Variants in SIPA1L1 observed in about 807,000 individuals in gnomAD.
SIPA1L1 encodes the protein signal-induced proliferation-associated 1-like protein 1.
SIPA1L1 carries 26 observed loss-of-function variants against 162.7 expected under a neutral mutation model. The observed-to-expected ratio is 0.16, with a 90% CI of 0.12 to 0.22. SIPA1L1 has a LOEUF of 0.22. Ranked by LOEUF, SIPA1L1 falls within the 10% of genes least tolerant of loss-of-function variation. The probability of loss-of-function intolerance (pLI) is 1.00; values close to 1 mark genes in which losing one functional copy is unlikely to be tolerated. For missense variants in SIPA1L1, 1,874 were observed against 2,241.0 expected, an observed-to-expected ratio of 0.84 and a Z score of 3.31; for synonymous variants, 829 against 837.4, an observed-to-expected ratio of 0.99 and a Z score of 0.17.
Position 71,707,045 on chromosome 14 carries a change from A to G in SIPA1L1, c.3765+1705A>G, listed in dbSNP as rs2082496171. 2.6e-5 allele frequency among the ~76,000 whole-genome samples: 4 copies of G among 151,218 alleles called. 1 individual carries two copies. In the East Asian group the frequency reaches 5.8e-4, roughly 22 times the overall value. Reference sequence around the variant, plus strand: ...TCAAGACTCCGTCAAAAAAAAAAAAAAAAAAGAAACTGGCATGTCCTACTC... The same window carrying G: ...TCAAGACTCCGTCAAAAAAAAAAAAGAAAAAGAAACTGGCATGTCCTACTC... On this transcript the variant is annotated intron_variant, in intron 16 of 23. Coordinates refer to ENST00000381232, the MANE Select transcript of SIPA1L1 (RefSeq NM_001386936.1).
At chr14:71,565,075 A>G (rs2030125420) in intron 4 of SIPA1L1, among the ~76,000 whole-genome samples, 1 of 152,092 alleles carries the variant, frequency 6.6e-6, no homozygotes. Flanking sequence ...TCTGAAGAAC[A>G]TTGGCTCTTT....
rs767739506 is a variant in SIPA1L1, at chr14:71,671,155, T to C, written c.2292T>C (p.Phe764=). 6.2e-7 allele frequency: 1 copy of C among 1,612,874 alleles called. No homozygotes were observed. The part of the protein sequence containing the change: ...AVTRSRDVPS[F]GPPIPKGVTF... ...CCAGGTCCAGAGATGTGCCTTCCTT[T>C]GGGCCTCCCATTCCTAAAGGGGTCA... Residue 764 remains phenylalanine (F), a synonymous_variant, in exon 11 of 24, where the codon TTT becomes TTC. Transcript: ENST00000381232.
intron 2 of SIPA1L1, among the ~76,000 whole-genome samples, chr14:71,396,461 G>A (rs1206681889): frequency 6.6e-6 from 1 of 152,004 alleles, no homozygotes; most frequent in East Asian, 1.9e-4. Context: ...ATTGTCCCCT[G>A]TTTGTTCATT....
At chr14:71,619,461 A>T (rs2039187237) in intron 6 of SIPA1L1, among the ~76,000 whole-genome samples, 1 of 152,140 alleles carries the variant, frequency 6.6e-6, no homozygotes, top group Non-Finnish European at 1.5e-5. Context: ...GAATCTAAAT[A>T]TACACAATGT....
chr14:71,736,245 A>G, intron 22 of SIPA1L1, among the ~76,000 whole-genome samples: 1 of 151,768 alleles, frequency 6.6e-6, no homozygotes, highest in Non-Finnish European at 1.5e-5. Context: ...AAAATACAAA[A>G]AATTATCTGG....
Position 71,709,368 on chromosome 14 carries a change from C to T in SIPA1L1, c.3912C>T (p.Asp1304=), listed in dbSNP as rs1457014040. 5.6e-6 allele frequency: 9 copies of T among 1,614,266 alleles called. No homozygotes were observed. Among genetic ancestry groups the T allele is most frequent in the Non-Finnish European group, 7.6e-6 (9 of 1,180,052 alleles). Residue 1304 remains aspartate (D), a synonymous_variant, in exon 17 of 24, where the codon GAC becomes GAT. Coordinates refer to ENST00000381232, the MANE Select transcript of SIPA1L1 (RefSeq NM_001386936.1). Reference sequence around the variant, plus strand: ...ACTATCTGCAAGGCACCTCTGCTGACAGTGGCATTGACACCACCTCTTATG... The same window carrying T: ...ACTATCTGCAAGGCACCTCTGCTGATAGTGGCATTGACACCACCTCTTATG... ...SYNYLQGTSA[D]SGIDTTSYGP... is the part of the protein sequence containing the mutation.
intron 7 of SIPA1L1, among the ~76,000 whole-genome samples, chr14:71,645,878 T>A (rs2042113795): frequency 6.6e-6 from 1 of 152,254 alleles, no homozygotes; most frequent in Admixed American, 6.5e-5. Context: ...CTTCAAGAAC[T>A]GTTGCACAAT....
rs374571269 is a variant in SIPA1L1, at chr14:71,571,628, GTTTATTTA to G, written c.-302-15919_-302-15912del. Among the ~76,000 whole-genome samples, 12 of 151,124 alleles carry G rather than the reference GTTTATTTA, an allele frequency of 7.9e-5. No homozygotes were observed. The East Asian group carries it at 1.6e-3, about 20-fold the overall frequency. ...ACAACAGAATACCTGAAACTGGATG[GTTTATTTA>G]TTTATTTATTTATTTATTTATTTGA... On this transcript the variant is annotated intron_variant, in intron 4 of 23. Coordinates refer to ENST00000381232, the MANE Select transcript of SIPA1L1 (RefSeq NM_001386936.1).
intron 12 of SIPA1L1, among the ~76,000 whole-genome samples, chr14:71,677,773 C>G (rs915317471): frequency 2.8e-4 from 42 of 152,150 alleles, no homozygotes; most frequent in Non-Finnish European, 5.3e-4. Flanking sequence ...TGTCAAAGAT[C>G]AGATGGTTGT....
intron 12 of SIPA1L1, among the ~76,000 whole-genome samples, chr14:71,681,102 G>C (rs957424429): frequency 6.6e-6 from 1 of 152,236 alleles, no homozygotes; most frequent in Admixed American, 6.5e-5. Context: ...GAGAAGTTCA[G>C]TTGCTGCCCA....
chr14:71,330,685 A>G (rs2034424220), intron 2 of SIPA1L1: 2 of 875,124 alleles, frequency 2.3e-6, no homozygotes, highest in Non-Finnish European at 4.0e-6. Context: ...ATGAGGAGGA[A>G]TCCATCCTGG....
At chr14:71,538,512 C>T (rs2054100178) in intron 4 of SIPA1L1, among the ~76,000 whole-genome samples, 1 of 152,188 alleles carries the variant, frequency 6.6e-6, no homozygotes, top group Non-Finnish European at 1.5e-5. Context: ...TGTGTCTCTT[C>T]TGCCTTCTTT....
At chr14:71,476,286 C>T (rs1452561142) in intron 2 of SIPA1L1, among the ~76,000 whole-genome samples, 1 of 152,174 alleles carries the variant, frequency 6.6e-6, no homozygotes, top group East Asian at 1.9e-4. Flanking sequence ...ATCTGTTTCC[C>T]GGATGTTTCA....
intron 15 of SIPA1L1, chr14:71,704,647 G>A (rs45528235): frequency 1.4e-5 from 15 of 1,076,260 alleles, no homozygotes; most frequent in Non-Finnish European, 2.0e-5. Context: ...CATCTTGAAC[G>A]CCAGCTTGGA....
intron 13 of SIPA1L1, among the ~76,000 whole-genome samples, chr14:71,689,694 T>C (rs928248229): frequency 1.3e-5 from 2 of 152,234 alleles, no homozygotes; most frequent in Middle Eastern, 3.2e-3. Context: ...AAATATTTGA[T>C]GTTAGAGCTC....
At chr14:71,704,646 C>A in intron 15 of SIPA1L1, 3 of 1,070,178 alleles carry the variant, frequency 2.8e-6, no homozygotes, top group Non-Finnish European at 1.4e-6. Context: ...CCATCTTGAA[C>A]GCCAGCTTGG....
intron 2 of SIPA1L1, among the ~76,000 whole-genome samples, chr14:71,491,627 C>T (rs1284228147): frequency 6.6e-6 from 1 of 151,902 alleles, no homozygotes; most frequent in Non-Finnish European, 1.5e-5. Flanking sequence ...CTCGACCTCC[C>T]CGGCTCAAGC....
intron 2 of SIPA1L1, among the ~76,000 whole-genome samples, chr14:71,361,884 A>G (rs1262526586): frequency 6.6e-6 from 1 of 152,234 alleles, no homozygotes; most frequent in African/African-American, 2.4e-5. Context: ...TGCTAGTATC[A>G]TGTACTAGTG....
At chr14:71,673,001 C>T (rs2044692871) in intron 12 of SIPA1L1, among the ~76,000 whole-genome samples, 2 of 152,176 alleles carry the variant, frequency 1.3e-5, no homozygotes, top group South Asian at 4.1e-4. Context: ...CTTCTATGTT[C>T]CATGATGCTC....
Sources: allele counts gnomAD v4.1 joint callset (sites outside exome capture counted in the v4.1 genomes callset), GRCh38; gene constraint gnomAD v4.1.1; transcripts MANE v1.5; gene names NCBI Gene and HGNC (gene_info 2026-07-23, HGNC 2026-07-21).